The following HSF2BP variants were observed in gnomAD, a reference collection of about 807,000 sequenced individuals.
The protein encoded by HSF2BP is heat shock factor 2-binding protein.
A neutral mutation model predicts 35.0 loss-of-function variants in HSF2BP; 35 were observed. The observed-to-expected ratio is 1.00, with a 90% CI of 0.76 to 1.32. The LOEUF (loss-of-function observed/expected upper bound fraction) is 1.32, where lower values mean the gene tolerates loss of function less well. Ranked by LOEUF, HSF2BP falls within the 40% of genes most tolerant of loss-of-function variation. HSF2BP has a pLI of 0.00. For missense variants in HSF2BP, 326 were observed against 321.7 expected, an observed-to-expected ratio of 1.01 and a Z score of -0.10; for synonymous variants, 114 against 117.4, an observed-to-expected ratio of 0.97 and a Z score of 0.18.
intron 7 of HSF2BP, among the ~76,000 whole-genome samples, chr21:43,595,725 A>AT (rs2081976497): frequency 3.2e-5 from 2 of 62,250 alleles, no homozygotes; most frequent in Non-Finnish European, 7.0e-5. Flanking sequence ...TTAAGAGGCT[A>AT]ATTTTTTTTT....
chr21:43,595,590 C>G (rs4309654), intron 7 of HSF2BP, among the ~76,000 whole-genome samples: 1 of 151,776 alleles, frequency 6.6e-6, no homozygotes, highest in Admixed American at 6.6e-5. Context: ...CCCAGGAGGT[C>G]GAGGCTGCAA....
chr21:43,635,901 C>T (rs1471607056), intron 4 of HSF2BP, among the ~76,000 whole-genome samples: 1 of 143,730 alleles, frequency 7.0e-6, no homozygotes, highest in Non-Finnish European at 1.5e-5. Context: ...TGCACTCCAG[C>T]CTGGGTGACA....
intron 3 of HSF2BP, among the ~76,000 whole-genome samples, chr21:43,652,979 T>TA: frequency 6.6e-6 from 1 of 151,776 alleles, no homozygotes; most frequent in South Asian, 2.1e-4. Context: ...TAACTAAAAA[T>TA]ACAAAAATTA....
chr21:43,572,971 T>A (rs1487748955), intron 8 of HSF2BP, among the ~76,000 whole-genome samples: 1 of 152,244 alleles, frequency 6.6e-6, no homozygotes, highest in Non-Finnish European at 1.5e-5. Context: ...TCATTAAATC[T>A]GTGAGAGTGA....
At chr21:43,579,320 AT>A (rs1200108529) in intron 8 of HSF2BP, among the ~76,000 whole-genome samples, 2 of 152,220 alleles carry the variant, frequency 1.3e-5, no homozygotes, top group Non-Finnish European at 2.9e-5. Context: ...ATGCAGAGTT[AT>A]TATAAAAATT....
intron 7 of HSF2BP, among the ~76,000 whole-genome samples, chr21:43,594,575 TAGA>T (rs2081963009): frequency 6.6e-6 from 1 of 152,088 alleles, no homozygotes; most frequent in Admixed American, 6.6e-5. Flanking sequence ...TTCAAGACAC[TAGA>T]AGAATAAAAT....
intron 6 of HSF2BP, among the ~76,000 whole-genome samples, chr21:43,623,792 C>A (rs548999348): frequency 6.6e-6 from 1 of 151,928 alleles, no homozygotes; most frequent in East Asian, 1.9e-4. Context: ...CAGGTGATTC[C>A]GCAAAAAAAA....
intron 8 of HSF2BP, among the ~76,000 whole-genome samples, chr21:43,590,582 T>C (rs556891439): frequency 1.1e-4 from 17 of 152,300 alleles, no homozygotes; most frequent in African/African-American, 3.9e-4. Context: ...AACCCAAATG[T>C]CCATCACTAG....
chr21:43,573,434 C>T (rs1315566311), intron 8 of HSF2BP, among the ~76,000 whole-genome samples: 4 of 152,196 alleles, frequency 2.6e-5, no homozygotes, highest in African/African-American at 9.7e-5. Context: ...TTAGAATGTA[C>T]ATAATTAGAA....
In HSF2BP at chr21:43,651,632, G is replaced by T. The variant is rs566716060; in HGVS notation, c.187+4955C>A. On this transcript the variant is annotated intron_variant, in intron 3 of 8. Transcript: ENST00000291560. The stretch of plus-strand genomic sequence containing the variant: ...CTCAAATTAAAAACAATCTATGATT[G>T]TCTTCCATAAACTGTTCATTTTCCA... 3.3e-5 allele frequency among the ~76,000 whole-genome samples: 5 copies of T among 152,238 alleles called. No individual in the cohort carries two copies. The South Asian group carries it at 8.3e-4, about 25-fold the overall frequency.
At chr21:43,580,964 A>G (rs991215920) in intron 8 of HSF2BP, among the ~76,000 whole-genome samples, 1 of 152,258 alleles carries the variant, frequency 6.6e-6, no homozygotes, top group East Asian at 1.9e-4. Context: ...GCCAAATGCC[A>G]GACACTGAAG....
chr21:43,615,403 C>T (rs1158886278), intron 6 of HSF2BP, among the ~76,000 whole-genome samples: 3 of 152,236 alleles, frequency 2.0e-5, no homozygotes, highest in Non-Finnish European at 2.9e-5. Context: ...TTTCTTCTGC[C>T]TTTGACTGGA....
chr21:43,654,419 C>T (rs940924412), intron 3 of HSF2BP, among the ~76,000 whole-genome samples: 1 of 152,218 alleles, frequency 6.6e-6, no homozygotes, highest in African/African-American at 2.4e-5. Context: ...GGGTCCGCTT[C>T]GCAGTCAGAC....
intron 4 of HSF2BP, among the ~76,000 whole-genome samples, chr21:43,633,726 T>G (rs1433243403): frequency 6.6e-6 from 1 of 152,158 alleles, no homozygotes; most frequent in South Asian, 2.1e-4. Flanking sequence ...CAAGTAACTA[T>G]ACCCAGAACC....
At chr21:43,616,048 A>AT (rs1436423849) in intron 6 of HSF2BP, among the ~76,000 whole-genome samples, 32 of 140,924 alleles carry the variant, frequency 2.3e-4, no homozygotes, top group African/African-American at 6.1e-4. Context: ...GAAGAAAAAA[A>AT]AAAAATATAT....
intron 3 of HSF2BP, among the ~76,000 whole-genome samples, chr21:43,655,412 C>T (rs1176790506): frequency 6.6e-6 from 1 of 152,116 alleles, no homozygotes; most frequent in Non-Finnish European, 1.5e-5. Flanking sequence ...GGACCACTTA[C>T]AGAGGGGAGA....
intron 6 of HSF2BP, among the ~76,000 whole-genome samples, chr21:43,618,259 T>TA (rs909610719): frequency 4.8e-4 from 71 of 146,698 alleles, no homozygotes; most frequent in East Asian, 4.7e-3. Context: ...AGACCCCATT[T>TA]AAAAAAAAAA....
intron 8 of HSF2BP, among the ~76,000 whole-genome samples, chr21:43,579,991 G>T (rs1474891047): frequency 3.3e-5 from 5 of 152,178 alleles, no homozygotes; most frequent in Non-Finnish European, 7.3e-5. Context: ...GGAGGAGAGG[G>T]GCCAGCCTGC....
chr21:43,574,913 G>A (rs756558476), intron 8 of HSF2BP, among the ~76,000 whole-genome samples: 1 of 152,194 alleles, frequency 6.6e-6, no homozygotes, highest in Non-Finnish European at 1.5e-5. Context: ...AGCAGCACGA[G>A]CCATGGCAGA....
Sources: gnomAD v4.1 joint callset for allele counts (sites outside exome capture counted in the v4.1 genomes callset) on GRCh38, gnomAD v4.1.1 for gene constraint, MANE v1.5 for transcripts, NCBI Gene and HGNC (gene_info 2026-07-23, HGNC 2026-07-21) for gene names.